Variants in ZBTB20 observed in about 807,000 individuals in gnomAD.
ZBTB20 encodes zinc finger and BTB domain-containing protein 20.
Under a neutral mutation model 56.9 loss-of-function variants are expected in ZBTB20, and 9 were observed. The observed-to-expected ratio is 0.16, with a 90% confidence interval of 0.10 to 0.28. ZBTB20 has a LOEUF of 0.28. Ranked by LOEUF, ZBTB20 falls within the 10% of genes least tolerant of loss-of-function variation. The pLI, the probability that ZBTB20 is intolerant of heterozygous loss-of-function variation, is 1.00. For missense variants in ZBTB20, 655 were observed against 1,003.0 expected (o/e 0.65, Z 4.69); for synonymous variants, 417 against 420.7 (o/e 0.99, Z 0.11).
chr3:114,348,695 G>A (rs2080393341), intron 11 of ZBTB20, among the ~76,000 whole-genome samples: 1 of 152,210 alleles, frequency 6.6e-6, no homozygotes, highest in African/African-American at 2.4e-5. Flanking sequence ...TTCTGTTTCA[G>A]TTGTACAATT....
At chr3:114,524,184 T>C (rs1389173603) in intron 6 of ZBTB20, among the ~76,000 whole-genome samples, 1 of 152,160 alleles carries the variant, frequency 6.6e-6, no homozygotes, top group Non-Finnish European at 1.5e-5. Context: ...GAATTAGGGG[T>C]CCTAGTGGGT....
chr3:114,525,814 C>A (rs2047154375), intron 6 of ZBTB20, among the ~76,000 whole-genome samples: 1 of 152,182 alleles, frequency 6.6e-6, no homozygotes, highest in African/African-American at 2.4e-5. Context: ...CAAACATTTT[C>A]TACCTTTTAC....
intron 2 of ZBTB20, among the ~76,000 whole-genome samples, chr3:114,982,677 T>A (rs1412796581): frequency 1.3e-5 from 2 of 152,042 alleles, no homozygotes; most frequent in African/African-American, 4.8e-5. Flanking sequence ...TAAAGCAGAA[T>A]GTTCAAAGTC....
intron 6 of ZBTB20, among the ~76,000 whole-genome samples, chr3:114,623,594 T>A (rs527573944): frequency 8.1e-4 from 124 of 152,286 alleles, no homozygotes; most frequent in Non-Finnish European, 8.8e-4. Context: ...GTTAGCAAAG[T>A]GATCTTTAGA....
chr3:114,906,742 A>T (rs186799030), intron 3 of ZBTB20, among the ~76,000 whole-genome samples: 47 of 151,834 alleles, frequency 3.1e-4, no homozygotes, highest in African/African-American at 1.1e-3. Flanking sequence ...AACTTCATCA[A>T]GTAACCAGGA....
At chr3:114,405,027 T>C (rs962543006) in intron 7 of ZBTB20, among the ~76,000 whole-genome samples, 1 of 152,006 alleles carries the variant, frequency 6.6e-6, no homozygotes, top group Admixed American at 6.6e-5. Flanking sequence ...ACCAGGTATC[T>C]AGGAAGCACT....
chr3:114,648,592 C>T (rs1202934066), intron 6 of ZBTB20, among the ~76,000 whole-genome samples: 2 of 151,866 alleles, frequency 1.3e-5, no homozygotes. Flanking sequence ...GGAAAGGCTA[C>T]CCCCTAAAAG....
rs2078965095 is a variant in ZBTB20 at position 114,323,488 on chromosome 3, T to C, written c.*15517A>G. 6.6e-6 allele frequency: 1 copy of C among 152,236 alleles called. No individual in the cohort carries two copies. The highest frequency in any genetic ancestry group is 2.1e-4 in the South Asian group (1 of 4,832). The allele number at this position is 152,236 out of a possible 1,614,324, so 9.4% of individuals were successfully genotyped here. A position where few individuals can be genotyped will look rare whatever the true frequency, so the allele number is the denominator to read the frequency against. On this transcript the variant is annotated 3_prime_UTR_variant, in exon 12 of 12. Transcript: ENST00000675478. ...GAAGCATAATCAGGCTGAAAAGTAATTCCAATATGGACAAGGCTATGTGTT... is the reference window on the plus strand; with the variant it reads ...GAAGCATAATCAGGCTGAAAAGTAACTCCAATATGGACAAGGCTATGTGTT...
chr3:114,515,990 T>A (rs1035314674), intron 6 of ZBTB20, among the ~76,000 whole-genome samples: 1 of 151,216 alleles, frequency 6.6e-6, no homozygotes, highest in Admixed American at 6.6e-5. Context: ...TCTAGCTGTG[T>A]TTCTAATTAA....
At chr3:114,370,810 C>A (rs1413640891) in intron 10 of ZBTB20, among the ~76,000 whole-genome samples, 1 of 152,184 alleles carries the variant, frequency 6.6e-6, no homozygotes, top group African/African-American at 2.4e-5. Context: ...ATACTCGGCA[C>A]TATATAAAAT....
At chr3:114,616,449 C>T (rs764137677) in intron 6 of ZBTB20, among the ~76,000 whole-genome samples, 4 of 152,154 alleles carry the variant, frequency 2.6e-5, no homozygotes, top group Non-Finnish European at 5.9e-5. Context: ...TTTGGACAAG[C>T]TATGGACACT....
intron 3 of ZBTB20, among the ~76,000 whole-genome samples, chr3:114,966,294 A>G (rs2077645622): frequency 6.6e-6 from 1 of 152,164 alleles, no homozygotes; most frequent in South Asian, 2.1e-4. Context: ...AATTAGGTAG[A>G]TAAAAACAGA....
chr3:114,711,412 A>G (rs568917902), intron 5 of ZBTB20, among the ~76,000 whole-genome samples: 1 of 152,224 alleles, frequency 6.6e-6, no homozygotes, highest in Non-Finnish European at 1.5e-5. Flanking sequence ...AACTTTAAAT[A>G]GGAAATCTTT....
rs2079273119 is a variant in ZBTB20, at chr3:114,331,933, G to T, written c.*7072C>A. 1 of 152,138 alleles carries T rather than the reference G, an allele frequency of 6.6e-6. No homozygotes were observed. The highest frequency in any genetic ancestry group is 2.4e-5 in the African/African-American group (1 of 41,422). The allele number at this position is 152,138 out of a possible 1,614,324, so 9.4% of individuals were successfully genotyped here. On this transcript the variant is annotated 3_prime_UTR_variant, in exon 12 of 12. Transcript: ENST00000675478. ...TGTATACTCATTTATAGACATTTTG[G>T]ACAGCAGCGGTGACATACTGGATGG...
chr3:114,702,132 G>A (rs2063426674), intron 5 of ZBTB20, among the ~76,000 whole-genome samples: 2 of 152,122 alleles, frequency 1.3e-5, no homozygotes, highest in African/African-American at 4.8e-5. Context: ...GAGCCCAGGA[G>A]TTTGAGACCA....
At chr3:114,949,241 C>G (rs2076983037) in intron 3 of ZBTB20, among the ~76,000 whole-genome samples, 1 of 145,880 alleles carries the variant, frequency 6.9e-6, no homozygotes, top group South Asian at 2.2e-4. Flanking sequence ...CATCCTTGCC[C>G]CCATCTCACA....
intron 6 of ZBTB20, among the ~76,000 whole-genome samples, chr3:114,519,295 T>C (rs2046375832): frequency 6.6e-6 from 1 of 152,178 alleles, no homozygotes; most frequent in South Asian, 2.1e-4. Context: ...TATACTAATT[T>C]AGTAAAATTC....
At chr3:114,414,593 CT>C (rs1199323711) in intron 7 of ZBTB20, among the ~76,000 whole-genome samples, 1 of 151,898 alleles carries the variant, frequency 6.6e-6, no homozygotes, top group East Asian at 1.9e-4. Context: ...AGTAACAAAC[CT>C]TTCAAAATTA....
chr3:114,592,294 A>T (rs1407085022), intron 6 of ZBTB20, among the ~76,000 whole-genome samples: 3 of 152,204 alleles, frequency 2.0e-5, no homozygotes, highest in Non-Finnish European at 2.9e-5. Flanking sequence ...GCTTTGCCTT[A>T]GTTCAGCAAA....
Sources: allele counts gnomAD v4.1 joint callset (sites outside exome capture counted in the v4.1 genomes callset), GRCh38; gene constraint gnomAD v4.1.1; transcripts MANE v1.5; gene names NCBI Gene and HGNC (gene_info 2026-07-23, HGNC 2026-07-21).